Variants in MRRF observed in about 807,000 individuals in gnomAD.
MRRF encodes mitochondrial ribosome recycling factor, also known as ribosome-recycling factor, mitochondrial.
Under a neutral mutation model 25.1 loss-of-function variants are expected in MRRF, and 18 were observed. The ratio of observed to expected loss-of-function variants is 0.72; its 90% CI spans 0.50 to 1.06. The LOEUF (loss-of-function observed/expected upper bound fraction) is 1.06, where lower values mean the gene tolerates loss of function less well. Ranked by LOEUF, MRRF falls within the 50% of genes least tolerant of loss-of-function variation. The pLI is 0.00. For synonymous variants in MRRF, 113 were observed against 112.1 expected (o/e 1.01, Z -0.05); for missense variants, 323 against 319.3 (o/e 1.01, Z -0.09).
intron 5 of MRRF, among the ~76,000 whole-genome samples, chr9:122,308,852 A>G (rs1360412685): frequency 6.6e-6 from 1 of 152,110 alleles, no homozygotes. Context: ...ACAGGCGCAT[A>G]CCATGACACC....
intron 5 of MRRF, among the ~76,000 whole-genome samples, chr9:122,299,232 A>G (rs1481681910): frequency 1.3e-5 from 2 of 151,712 alleles, no homozygotes; most frequent in Admixed American, 6.6e-5. Context: ...CTCCACTACA[A>G]AAATTACCCA....
intron 5 of MRRF, among the ~76,000 whole-genome samples, chr9:122,308,784 C>CCTCAGA (rs1344144141): frequency 6.6e-6 from 1 of 151,960 alleles, no homozygotes; most frequent in East Asian, 1.9e-4. Flanking sequence ...CTCATTGCAG[C>CCTCAGA]CTCAGACTCC....
intron 4 of MRRF, 68 bp from the exon 5 acceptor site, chr9:122,291,681 T>C: frequency 8.9e-6 from 10 of 1,122,738 alleles, no homozygotes; most frequent in Admixed American, 3.4e-5. Flanking sequence ...TTGCCAGTTA[T>C]CGACAGAGGG....
chr9:122,277,858 T>TG (rs1316762335), intron 2 of MRRF, among the ~76,000 whole-genome samples: 2 of 152,210 alleles, frequency 1.3e-5, no homozygotes, highest in African/African-American at 4.8e-5. Context: ...GGCCTTATTT[T>TG]GGACTTTCTT....
At chr9:122,318,246 G>A (rs997997397) in intron 6 of MRRF, among the ~76,000 whole-genome samples, 14 of 139,704 alleles carry the variant, frequency 1.0e-4, no homozygotes, top group African/African-American at 3.8e-4. Context: ...TTCCCAACCC[G>A]CATTCCAGGC....
At chr9:122,306,413 G>T (rs2118915548) in intron 5 of MRRF, among the ~76,000 whole-genome samples, 1 of 152,324 alleles carries the variant, frequency 6.6e-6, no homozygotes, top group East Asian at 1.9e-4. Flanking sequence ...GAGGAGAACA[G>T]TGAAGTAAAT....
chr9:122,316,605 G>GGTGT lies in MRRF; in HGVS notation c.711+3232_711+3235dup, dbSNP rs113434723. ...CAGAAGGCCCCAGACTGGAATTTTTGGTGTGTGTGTGTGTGTACGTGTGCG... is the reference window on the plus strand; with the variant it reads ...CAGAAGGCCCCAGACTGGAATTTTTGGTGTGTGTGTGTGTGTGTGTACGTGTGCG... On this transcript the variant is annotated intron_variant, in intron 6 of 6. Transcript: ENST00000344641. Among the ~76,000 whole-genome samples the GGTGT allele has an allele frequency of 2.8e-3, 427 of 150,836 alleles. 2 individuals are homozygous for GGTGT. Among genetic ancestry groups the GGTGT allele is most frequent in the African/African-American group, 9.9e-3 (408 of 41,194 alleles).
At chr9:122,304,479 A>C (rs1256041469) in intron 5 of MRRF, among the ~76,000 whole-genome samples, 2 of 152,134 alleles carry the variant, frequency 1.3e-5, no homozygotes, top group African/African-American at 4.8e-5. Context: ...ATGTTCAGTC[A>C]AGAATCGAAA....
intron 5 of MRRF, among the ~76,000 whole-genome samples, chr9:122,310,143 T>G (rs1835112991): frequency 6.6e-6 from 1 of 152,258 alleles, no homozygotes; most frequent in Admixed American, 6.5e-5. Flanking sequence ...GTTTTTAATT[T>G]CTGTTTCCAA....
At chr9:122,302,679 A>T (rs1036832250) in intron 5 of MRRF, among the ~76,000 whole-genome samples, 7 of 152,128 alleles carry the variant, frequency 4.6e-5, no homozygotes, top group Admixed American at 4.6e-4. Context: ...TTATTGTGCA[A>T]GTTTTTTGTG....
chr9:122,307,840 G>A (rs1239595015), intron 5 of MRRF, among the ~76,000 whole-genome samples: 1 of 152,212 alleles, frequency 6.6e-6, no homozygotes, highest in Non-Finnish European at 1.5e-5. Flanking sequence ...GCCTTCTGAA[G>A]TTGAGTGTCT....
Position 122,326,111 on chromosome 9 carries a change from T to TC in MRRF, c.*3494_*3495insC, listed in dbSNP as rs1836132862. 6.7e-6 allele frequency: 1 copy of TC among 149,068 alleles called. No individual in the cohort carries two copies. Among genetic ancestry groups the TC allele is most frequent in the African/African-American group, 2.5e-5 (1 of 40,486 alleles). The allele number at this position is 149,068 out of a possible 1,614,324, so 9.2% of individuals were successfully genotyped here. On this transcript the variant is annotated 3_prime_UTR_variant, in exon 7 of 7. Coordinates refer to ENST00000344641, the MANE Select transcript of MRRF (RefSeq NM_138777.5). ...ACTCTGCCTGGCCATATATAATTTT[T>TC]TTTTTTTTTTTTTTGCAATGGAGTC...
intron 1 of MRRF, among the ~76,000 whole-genome samples, chr9:122,270,644 T>C (rs1832389916): frequency 1.3e-5 from 2 of 152,198 alleles, no homozygotes; most frequent in South Asian, 4.1e-4. Context: ...GGAAGTTCCT[T>C]AAATCTCTGT....
At chr9:122,288,582 A>G (rs777061495) in intron 4 of MRRF, among the ~76,000 whole-genome samples, 7 of 152,190 alleles carry the variant, frequency 4.6e-5, no homozygotes, top group Non-Finnish European at 1.0e-4. Context: ...CTTGCAAGTG[A>G]TTAGTTTCTA....
At chr9:122,292,930 A>G (rs1435779132) in intron 5 of MRRF, among the ~76,000 whole-genome samples, 2 of 152,210 alleles carry the variant, frequency 1.3e-5, no homozygotes, top group Non-Finnish European at 2.9e-5. Context: ...CAGTCTTTCA[A>G]CAAATATTTA....
intron 1 of MRRF, among the ~76,000 whole-genome samples, chr9:122,270,180 A>G (rs948056870): frequency 1.3e-5 from 2 of 152,246 alleles, no homozygotes; most frequent in Admixed American, 6.5e-5. Context: ...TCAGTTAGCT[A>G]GGGCTGTGTT....
rs1363999316 is a variant in MRRF, at chr9:122,323,652, T to C, written c.*1035T>C. 6.6e-6 allele frequency: 1 copy of C among 152,232 alleles called. No individual in the cohort carries two copies. Among genetic ancestry groups the C allele is most frequent in the Non-Finnish European group, 1.5e-5 (1 of 68,050 alleles). 9.4% of individuals were successfully genotyped at this position (152,232 alleles called of 1,614,324 possible). A position where few individuals can be genotyped will look rare whatever the true frequency, so the allele number is the denominator to read the frequency against. On this transcript the variant is annotated 3_prime_UTR_variant, in exon 7 of 7. Coordinates refer to ENST00000344641, the MANE Select transcript of MRRF (RefSeq NM_138777.5). ...ATTAGGTTTTTTTCCCTCCAATTAT[T>C]TTTTATTCATTCATTCATTCCTAAT...
chr9:122,277,627 C>T (rs770902289), intron 2 of MRRF, among the ~76,000 whole-genome samples: 18 of 152,144 alleles, frequency 1.2e-4, no homozygotes, highest in South Asian at 4.1e-4. Context: ...GTCGGCTCAC[C>T]GCAACCTCCG....
intron 4 of MRRF, chr9:122,286,201 A>G (rs1833396516): frequency 7.8e-7 from 1 of 1,287,854 alleles, no homozygotes; most frequent in Admixed American, 2.3e-5. Context: ...TGTCTATTTC[A>G]GTAGTTGTAT....
Sources: gnomAD v4.1 joint callset for allele counts (sites outside exome capture counted in the v4.1 genomes callset) on GRCh38, gnomAD v4.1.1 for gene constraint, MANE v1.5 for transcripts, NCBI Gene and HGNC (gene_info 2026-07-23, HGNC 2026-07-21) for gene names.